PKIB: variants seen among roughly 807,000 people sequenced by gnomAD.
PKIB encodes PKI-beta.
In PKIB, 2 loss-of-function variants were observed where a neutral mutation model predicts 4.5. The observed-to-expected ratio is 0.44, with a 90% CI of 0.18 to 1.39. The LOEUF (loss-of-function observed/expected upper bound fraction) is 1.39, where lower values mean the gene tolerates loss of function less well. Among genes scored for constraint, PKIB ranks in the 40% most tolerant of loss-of-function variants. The pLI is 0.27. For synonymous variants in PKIB, 38 were observed against 36.0 expected (o/e 1.06, Z -0.20); for missense variants, 94 against 92.6 (o/e 1.02, Z -0.06).
chr6:122,573,415 G>A (rs890469581), intron 2 of PKIB, among the ~76,000 whole-genome samples: 15 of 151,206 alleles, frequency 9.9e-5, no homozygotes, highest in Admixed American at 2.0e-4. Flanking sequence ...CCAGGTACTC[G>A]CGAGGCTGAG....
At chr6:122,586,767 A>G (rs927287521) in intron 3 of PKIB, among the ~76,000 whole-genome samples, 1 of 152,102 alleles carries the variant, frequency 6.6e-6, no homozygotes. Flanking sequence ...TGGGTCTTAA[A>G]CAGATTTGGG....
chr6:122,536,122 T>C lies in PKIB; in HGVS notation c.-247-49799T>C, dbSNP rs143696400. 1.0e-3 allele frequency among the ~76,000 whole-genome samples: 155 copies of C among 152,220 alleles called. 2 individuals are homozygous for C. Among genetic ancestry groups the C allele is most frequent in the Admixed American group, 8.6e-3 (131 of 15,282 alleles). ...GCCCAGCTAATTTTTGTACTTTCAG[T>C]AGAGACGGAGTTTCACCATGGTAGC... On this transcript the variant is annotated intron_variant, in intron 2 of 6. Coordinates refer to the PKIB transcript ENST00000392491.
intron 2 of PKIB, among the ~76,000 whole-genome samples, chr6:122,501,584 G>C (rs1367569676): frequency 6.6e-6 from 1 of 152,190 alleles, no homozygotes; most frequent in Non-Finnish European, 1.5e-5. Flanking sequence ...AGCGATGGCT[G>C]GAGCTGGAAT....
intron 2 of PKIB, among the ~76,000 whole-genome samples, chr6:122,662,539 C>T (rs981440196): frequency 1.8e-4 from 27 of 151,494 alleles, no homozygotes; most frequent in Non-Finnish European, 3.8e-4. Flanking sequence ...AGGCTGGTCT[C>T]GAACTCCTGA....
intron 2 of PKIB, among the ~76,000 whole-genome samples, chr6:122,484,739 C>A (rs1775714666): frequency 6.6e-6 from 1 of 152,136 alleles, no homozygotes; most frequent in African/African-American, 2.4e-5. Context: ...CATATCACAT[C>A]CCGTGGATCA....
intron 2 of PKIB, among the ~76,000 whole-genome samples, chr6:122,673,529 A>T (rs1372916476): frequency 1.3e-5 from 2 of 152,186 alleles, no homozygotes; most frequent in African/African-American, 2.4e-5. Context: ...GGACTCATTG[A>T]AGGAAAAAGT....
chr6:122,623,505 C>T (rs1775317851), intron 1 of PKIB, among the ~76,000 whole-genome samples: 1 of 152,152 alleles, frequency 6.6e-6, no homozygotes, highest in Admixed American at 6.5e-5. Flanking sequence ...TTCCCTCCCA[C>T]CACTTTTTTA....
intron 2 of PKIB, among the ~76,000 whole-genome samples, chr6:122,638,514 A>G (rs1290206091): frequency 6.6e-6 from 1 of 152,140 alleles, no homozygotes; most frequent in Admixed American, 6.5e-5. Context: ...ACTCTGCTTC[A>G]TGTCCTCCCA....
In PKIB at chr6:122,725,845, T is replaced by G. The variant is rs1368758898; in HGVS notation, c.*650T>G. On this transcript the variant is annotated 3_prime_UTR_variant, in exon 5 of 5. Coordinates refer to ENST00000368452, the MANE Select transcript of PKIB (RefSeq NM_181795.3). ...GGAAAATGCAAAATTTGTAACAAAA[T>G]GGTTATATGGAACATGCCTATTAAA... 1 of 152,224 alleles carries G rather than the reference T, an allele frequency of 6.6e-6. No homozygotes were observed. The highest frequency in any genetic ancestry group is 1.9e-4 in the East Asian group (1 of 5,204). The allele number at this position is 152,224 out of a possible 1,614,324, so 9.4% of individuals were successfully genotyped here.
chr6:122,494,919 G>A (rs1446337003), intron 2 of PKIB, among the ~76,000 whole-genome samples: 1 of 152,192 alleles, frequency 6.6e-6, no homozygotes, highest in Non-Finnish European at 1.5e-5. Context: ...ACTCCTCCAG[G>A]CCAATACAGA....
intron 3 of PKIB, among the ~76,000 whole-genome samples, chr6:122,696,021 C>T (rs528169709): frequency 1.3e-5 from 2 of 152,228 alleles, no homozygotes; most frequent in South Asian, 4.1e-4. Flanking sequence ...TAGTTATCAA[C>T]TGAGATTTCT....
intron 2 of PKIB, among the ~76,000 whole-genome samples, chr6:122,503,389 G>A (rs967788573): frequency 6.6e-6 from 1 of 152,130 alleles, no homozygotes; most frequent in Non-Finnish European, 1.5e-5. Flanking sequence ...ATGGAGAGTT[G>A]TTATTCAATG....
intron 3 of PKIB, among the ~76,000 whole-genome samples, chr6:122,591,172 C>CCG (rs1256131590): frequency 6.7e-6 from 1 of 150,236 alleles, no homozygotes. Context: ...AAGGTCCCCC[C>CCG]CCACATCTAA....
intron 2 of PKIB, among the ~76,000 whole-genome samples, chr6:122,541,133 T>A (rs571439557): frequency 4.6e-5 from 7 of 151,740 alleles, no homozygotes; most frequent in Non-Finnish European, 8.8e-5. Context: ...TGACTCTTTA[T>A]CCAATTTGCC....
intron 3 of PKIB, chr6:122,701,646 C>A (rs1277992152): frequency 5.5e-6 from 5 of 910,850 alleles, no homozygotes; most frequent in Non-Finnish European, 8.3e-6. Context: ...AACTCAGAAC[C>A]AAATAACCAA....
At chr6:122,565,713 C>G (rs1773169776) in intron 2 of PKIB, among the ~76,000 whole-genome samples, 1 of 152,144 alleles carries the variant, frequency 6.6e-6, no homozygotes, top group Admixed American at 6.5e-5. Context: ...TTGGCCAATT[C>G]AACTTTTTAA....
intron 1 of PKIB, among the ~76,000 whole-genome samples, chr6:122,626,486 G>C (rs1246691440): frequency 6.6e-6 from 1 of 152,182 alleles, no homozygotes; most frequent in Non-Finnish European, 1.5e-5. Flanking sequence ...AGAGTCATAA[G>C]AAGAATGATT....
At chr6:122,669,463 CT>C (rs200986099) in intron 2 of PKIB, among the ~76,000 whole-genome samples, 56 of 149,020 alleles carry the variant, frequency 3.8e-4, no homozygotes, top group African/African-American at 9.6e-4. Flanking sequence ...TAATAACATT[CT>C]TTTTTTTTTA....
At chr6:122,573,812 A>G (rs1773445058) in intron 2 of PKIB, among the ~76,000 whole-genome samples, 1 of 152,350 alleles carries the variant, frequency 6.6e-6, no homozygotes. Flanking sequence ...AACAGCCAAC[A>G]TCATACTGAA....
Sources: allele counts gnomAD v4.1 joint callset (sites outside exome capture counted in the v4.1 genomes callset), GRCh38; gene constraint gnomAD v4.1.1; transcripts MANE v1.5; gene names NCBI Gene and HGNC (gene_info 2026-07-23, HGNC 2026-07-21).